NCKAP5: variants seen among roughly 807,000 people sequenced by gnomAD.
NCKAP5 encodes the protein NCK associated protein 5, also known as nck-associated protein 5.
A neutral mutation model predicts 167.0 loss-of-function variants in NCKAP5; 92 were observed. The ratio of observed to expected loss-of-function variants is 0.55; its 90% CI spans 0.47 to 0.66. NCKAP5 has a LOEUF of 0.66. Among genes scored for constraint, NCKAP5 ranks in the 30% least tolerant of loss-of-function variants. NCKAP5 has a pLI of 0.00. For synonymous variants in NCKAP5, 891 were observed against 877.4 expected (o/e 1.02, Z -0.27); for missense variants, 2,378 against 2,315.0 (o/e 1.03, Z -0.56).
chr2:132,853,464 T>C (rs1488791885), intron 11 of NCKAP5, among the ~76,000 whole-genome samples: 1 of 152,196 alleles, frequency 6.6e-6, no homozygotes. Flanking sequence ...ATGGTTTATG[T>C]AAAGCCAGCC....
chr2:133,141,300 AAG>A (rs2082987795), intron 5 of NCKAP5, among the ~76,000 whole-genome samples: 1 of 152,094 alleles, frequency 6.6e-6, no homozygotes. Context: ...AATTTCTGAG[AAG>A]ATGTGCAGGA....
intron 3 of NCKAP5, chr2:133,433,869 ACT>A (rs1690310719): frequency 6.6e-6 from 1 of 152,168 alleles, no homozygotes; most frequent in Non-Finnish European, 1.5e-5. Context: ...GTACTTTGGG[ACT>A]ACAGATCTAT....
chr2:133,513,931 C>A (rs1306030033), intron 3 of NCKAP5, among the ~76,000 whole-genome samples: 1 of 152,170 alleles, frequency 6.6e-6, no homozygotes, highest in East Asian at 1.9e-4. Flanking sequence ...CTAAATACTA[C>A]CACAGCTACA....
At chr2:133,097,147 C>T (rs2081368455) in intron 6 of NCKAP5, among the ~76,000 whole-genome samples, 1 of 152,110 alleles carries the variant, frequency 6.6e-6, no homozygotes, top group South Asian at 2.1e-4. Flanking sequence ...ATGTGACACC[C>T]TTGACCCTTC....
At chr2:133,586,004 T>C in the NCKAP5 span, among the ~76,000 whole-genome samples, 1 of 152,248 alleles carries the variant, frequency 6.6e-6, no homozygotes, top group African/African-American at 2.4e-5. Flanking sequence ...ACAAGCACTA[T>C]TGGCCTTTGT....
At chr2:132,723,597 G>T (rs144641670) in intron 19 of NCKAP5, among the ~76,000 whole-genome samples, 1 of 152,314 alleles carries the variant, frequency 6.6e-6, no homozygotes, top group Admixed American at 6.5e-5. Context: ...TGGCCCAAAT[G>T]AGAACTCTTA....
intron 8 of NCKAP5, among the ~76,000 whole-genome samples, chr2:132,957,187 T>G (rs981256970): frequency 6.6e-6 from 1 of 152,120 alleles, no homozygotes; most frequent in African/African-American, 2.4e-5. Flanking sequence ...GACAATTGCA[T>G]GCTAATTTTG....
chr2:133,597,673 CAAAAAAAAAAAAAAA>C, the NCKAP5 span, among the ~76,000 whole-genome samples: 1 of 61,122 alleles, frequency 1.6e-5, no homozygotes, highest in African/African-American at 6.7e-5. Flanking sequence ...GACTCTGTCT[CAAAAAAAAAAAAAAA>C]AAAAAAAAAA....
chr2:133,550,327 A>G (rs1417689387), intron 2 of NCKAP5, among the ~76,000 whole-genome samples: 17 of 149,940 alleles, frequency 1.1e-4, no homozygotes, highest in Admixed American at 4.0e-4. Context: ...TCCTTGATGA[A>G]CATTGATGCA....
At chr2:132,838,907 T>A (rs1346115211) in intron 11 of NCKAP5, among the ~76,000 whole-genome samples, 1 of 152,228 alleles carries the variant, frequency 6.6e-6, no homozygotes. Context: ...TTATTGCTAA[T>A]ATAATTAAGG....
chr2:133,496,880 G>A lies in NCKAP5; in HGVS notation c.69+20578C>T, dbSNP rs535877728. Among the ~76,000 whole-genome samples, 5 of 152,292 alleles carry A rather than the reference G, an allele frequency of 3.3e-5. No individual in the cohort carries two copies. In the East Asian group the frequency reaches 9.6e-4, roughly 29 times the overall value. On this transcript the variant is annotated intron_variant, in intron 3 of 19. Coordinates refer to ENST00000409261, the MANE Select transcript of NCKAP5 (RefSeq NM_207363.3). ...TTCCCAAGTATATTTGCAAAGAAGT[G>A]TTTCTTGCAAAAAGTAGGCACCATA...
intron 16 of NCKAP5, among the ~76,000 whole-genome samples, chr2:132,754,067 T>C (rs558607566): frequency 1.4e-4 from 22 of 152,358 alleles, no homozygotes; most frequent in African/African-American, 4.1e-4. Context: ...GTCTGTGGCA[T>C]GCACAGTTAA....
the NCKAP5 span, among the ~76,000 whole-genome samples, chr2:133,586,803 G>A: frequency 1.3e-5 from 2 of 148,210 alleles, no homozygotes; most frequent in Non-Finnish European, 3.0e-5. Flanking sequence ...ACAGGATTTA[G>A]GATAGGCAGG....
upstream of NCKAP5, among the ~76,000 whole-genome samples, chr2:133,572,965 A>T (rs1688920833): frequency 6.6e-6 from 1 of 152,220 alleles, no homozygotes; most frequent in African/African-American, 2.4e-5. Flanking sequence ...AAGATCATGT[A>T]GTTTTGTCCA....
chr2:133,666,342 C>G, the NCKAP5 span, among the ~76,000 whole-genome samples: 1 of 151,702 alleles, frequency 6.6e-6, no homozygotes, highest in South Asian at 2.1e-4. Context: ...GGATTACAGG[C>G]AGCCACCACC....
chr2:132,825,871 A>G (rs145077622), intron 11 of NCKAP5, among the ~76,000 whole-genome samples: 2 of 152,326 alleles, frequency 1.3e-5, no homozygotes, highest in East Asian at 3.9e-4. Context: ...CTTGAAATGC[A>G]TAGTGTAATG....
At chr2:133,040,320 C>T (rs890554020) in intron 6 of NCKAP5, among the ~76,000 whole-genome samples, 8 of 151,998 alleles carry the variant, frequency 5.3e-5, no homozygotes, top group Admixed American at 1.3e-4. Context: ...AAAGTAATGG[C>T]GAAAACCACG....
intron 3 of NCKAP5, among the ~76,000 whole-genome samples, chr2:133,389,008 C>A (rs1687207272): frequency 1.3e-5 from 2 of 152,236 alleles, no homozygotes; most frequent in South Asian, 4.1e-4. Flanking sequence ...CCTCGCCCTG[C>A]TTTGGCTCAC....
At chr2:133,431,556 A>T (rs1476618976) in intron 3 of NCKAP5, 5 of 152,150 alleles carry the variant, frequency 3.3e-5, no homozygotes, top group African/African-American at 1.2e-4. Flanking sequence ...GGCAGCTGGG[A>T]TCTCTGCAGC....
Sources: allele counts gnomAD v4.1 joint callset (sites outside exome capture counted in the v4.1 genomes callset), GRCh38; gene constraint gnomAD v4.1.1; transcripts MANE v1.5; gene names NCBI Gene and HGNC (gene_info 2026-07-23, HGNC 2026-07-21).